The following TSHZ3 variants were observed in gnomAD, a reference collection of about 807,000 sequenced individuals.
TSHZ3 encodes teashirt zinc finger homeobox 3.
In TSHZ3, 10 loss-of-function variants were observed where a neutral mutation model predicts 64.5. The ratio of observed to expected loss-of-function variants is 0.16; its 90% CI spans 0.10 to 0.26. The LOEUF is 0.26. Among genes scored for constraint, TSHZ3 ranks in the 10% least tolerant of loss-of-function variants. TSHZ3 has a pLI of 1.00. For synonymous variants in TSHZ3, 608 were observed against 593.1 expected (o/e 1.03, Z -0.36); for missense variants, 1,242 against 1,421.7 (o/e 0.87, Z 2.03).
chr19:31,213,926 T>C (rs1453327677), intron 4 of TSHZ3, among the ~76,000 whole-genome samples: 1 of 152,248 alleles, frequency 6.6e-6, no homozygotes, highest in African/African-American at 2.4e-5. Flanking sequence ...AGTTTTCAAA[T>C]TGCGACAATT....
chr19:31,161,273 C>G (rs1974371177), intron 5 of TSHZ3, among the ~76,000 whole-genome samples: 1 of 152,128 alleles, frequency 6.6e-6, no homozygotes, highest in South Asian at 2.1e-4. Context: ...TGTATTTAAC[C>G]AAACCCCACT....
At chr19:31,169,162 A>G (rs1365786413) in intron 5 of TSHZ3, among the ~76,000 whole-genome samples, 1 of 152,150 alleles carries the variant, frequency 6.6e-6, no homozygotes, top group Non-Finnish European at 1.5e-5. Flanking sequence ...TCAAGCAGAG[A>G]AAAAGAAAGT....
chr19:31,150,444 G>T (rs193055368), exon 7 of TSHZ3, among the ~76,000 whole-genome samples: 3 of 152,344 alleles, frequency 2.0e-5, no homozygotes, highest in Admixed American at 1.3e-4. Context: ...GACAGCCAGG[G>T]TACCATATCC....
intron 4 of TSHZ3, among the ~76,000 whole-genome samples, chr19:31,217,462 T>C (rs1195137980): frequency 1.5e-4 from 23 of 152,112 alleles, no homozygotes. Flanking sequence ...GGTCGTAATC[T>C]AATTTACCTT....
rs774598254 is a variant in TSHZ3, at chr19:31,279,637, G to A, written c.156C>T (p.Leu52=). The A allele has an allele frequency of 1.2e-5, 20 of 1,610,930 alleles. 1 individual carries two copies. Among genetic ancestry groups the A allele is most frequent in the Admixed American group, 5.0e-5 (3 of 59,742 alleles). The change falls in exon 2 of 2, where the codon CTC becomes CTT. Residue 52 remains leucine (L), a synonymous_variant. Coordinates refer to ENST00000240587, the MANE Select transcript of TSHZ3 (RefSeq NM_020856.4). This position sits in a 1 kb window ranked among gnomAD's most constrained non-coding sequence, Gnocchi z 6.4. ...SAKYMCPEKE[L]ARACPSYQNS... ...TCTGGTAGCTGGGGCAGGCCCTGGC[G>A]AGCTCCTTCTCCGGGCACATGTACT...
At chr19:31,197,127 G>A (rs976580334) in intron 5 of TSHZ3, among the ~76,000 whole-genome samples, 2 of 151,880 alleles carry the variant, frequency 1.3e-5, no homozygotes, top group Non-Finnish European at 2.9e-5. Context: ...AGACCACAAT[G>A]CAATTAAACT....
At chr19:31,190,306 A>T (rs533401217) in intron 5 of TSHZ3, among the ~76,000 whole-genome samples, 4 of 152,308 alleles carry the variant, frequency 2.6e-5, no homozygotes, top group East Asian at 1.9e-4. Context: ...GGAGGGGGGA[A>T]AGAAAGCTAC....
chr19:31,250,263 T>C (rs1975819708), intron 1 of TSHZ3, among the ~76,000 whole-genome samples: 1 of 152,268 alleles, frequency 6.6e-6, no homozygotes, highest in African/African-American at 2.4e-5. Flanking sequence ...TTTTCCCTTT[T>C]GCGTTGCAAA....
chr19:31,256,807 G>A (rs549864311), intron 1 of TSHZ3, among the ~76,000 whole-genome samples: 48 of 152,238 alleles, frequency 3.2e-4, no homozygotes, highest in Non-Finnish European at 5.7e-4. Flanking sequence ...ACTGAGGTTC[G>A]TGCCACTGGA....
At chr19:31,213,461 C>A (rs923829909) in intron 4 of TSHZ3, among the ~76,000 whole-genome samples, 1 of 137,298 alleles carries the variant, frequency 7.3e-6, no homozygotes, top group Admixed American at 7.7e-5. Flanking sequence ...GACAGTGAAA[C>A]TACTCTATAG....
intron 5 of TSHZ3, among the ~76,000 whole-genome samples, chr19:31,164,523 A>C (rs1974417160): frequency 6.6e-6 from 1 of 152,186 alleles, no homozygotes; most frequent in African/African-American, 2.4e-5. Flanking sequence ...TTTGTTGAAT[A>C]AATGAATGAA....
chr19:31,184,235 G>T (rs143966131), intron 5 of TSHZ3, among the ~76,000 whole-genome samples: 4 of 152,122 alleles, frequency 2.6e-5, no homozygotes, highest in Non-Finnish European at 5.9e-5. Context: ...GTAGGAAAAA[G>T]CTCTCTTTCT....
intron 1 of TSHZ3, among the ~76,000 whole-genome samples, chr19:31,340,987 A>C (rs764712869): frequency 6.6e-6 from 1 of 152,250 alleles, no homozygotes; most frequent in Admixed American, 6.5e-5. Context: ...AGACTGCAGC[A>C]TCCCCTTCTC....
intron 1 of TSHZ3, among the ~76,000 whole-genome samples, chr19:31,244,778 G>C (rs1599602301): frequency 6.6e-6 from 1 of 152,204 alleles, no homozygotes; most frequent in East Asian, 1.9e-4. Flanking sequence ...CAAGTAGCTG[G>C]GACTACAGGC....
chr19:31,265,017 C>T (rs1011030331), intron 1 of TSHZ3, among the ~76,000 whole-genome samples: 5 of 152,096 alleles, frequency 3.3e-5, no homozygotes, highest in African/African-American at 1.2e-4. Context: ...TCAAGGTCAG[C>T]ATGGCCCACC....
At chr19:31,235,400 G>A (rs1451101816) in intron 3 of TSHZ3, among the ~76,000 whole-genome samples, 1 of 151,582 alleles carries the variant, frequency 6.6e-6, no homozygotes, top group East Asian at 1.9e-4. Context: ...GTTCCTACGA[G>A]TTCAACTGTT....
chr19:31,171,843 C>T lies in TSHZ3; in HGVS notation n.810-15426G>A, dbSNP rs187728980. On this transcript the variant is annotated intron_variant and non_coding_transcript_variant, in intron 5 of 6. Transcript: ENST00000651361. ...GAGCCCTGTCCATTCTGCCCCAGGC[C>T]TTTCCCTTTCCCCTCAGAGGCCAGA... Among the ~76,000 whole-genome samples the T allele has an allele frequency of 1.6e-3, 247 of 152,246 alleles. 1 individual carries two copies. The highest frequency in any genetic ancestry group is 5.4e-3 in the Admixed American group (82 of 15,300).
intron 1 of TSHZ3, among the ~76,000 whole-genome samples, chr19:31,308,949 C>A (rs761214694): frequency 6.6e-6 from 1 of 152,248 alleles, no homozygotes; most frequent in African/African-American, 2.4e-5. Flanking sequence ...GGGGCCCACT[C>A]GCCATGACAG....
intron 4 of TSHZ3, among the ~76,000 whole-genome samples, chr19:31,224,001 C>A (rs1488202282): frequency 6.6e-6 from 1 of 152,120 alleles, no homozygotes; most frequent in Admixed American, 6.5e-5. Flanking sequence ...GGCAACCAGG[C>A]CTTTGGACAC....
Sources: allele counts gnomAD v4.1 joint callset (sites outside exome capture counted in the v4.1 genomes callset), GRCh38; gene constraint gnomAD v4.1.1; non-coding constraint Gnocchi (gnomAD v3.1); transcripts MANE v1.5; gene names NCBI Gene and HGNC (gene_info 2026-07-23, HGNC 2026-07-21).